RNF6: variants seen among roughly 807,000 people sequenced by gnomAD.
RNF6 encodes ring finger protein 6, also known as E3 ubiquitin-protein ligase RNF6.
RNF6 carries 21 observed loss-of-function variants against 50.1 expected under a neutral mutation model. That is an observed-to-expected ratio of 0.42 (90% CI 0.30 to 0.60). RNF6 has a LOEUF of 0.60. RNF6 is among the 20% of genes least tolerant of loss of function. RNF6 has a pLI of 0.20. For missense variants in RNF6, 698 were observed against 838.2 expected (o/e 0.83, Z 2.07); for synonymous variants, 255 against 291.8 (o/e 0.87, Z 1.29).
At chr13:26,182,669 G>T (rs1478837436) in intron 5 of RNF6, among the ~76,000 whole-genome samples, 1 of 152,102 alleles carries the variant, frequency 6.6e-6, no homozygotes, top group Non-Finnish European at 1.5e-5. Flanking sequence ...GCTGGGCATG[G>T]TGGCACACAC....
chr13:26,183,902 A>ATATAT (rs10628120), intron 5 of RNF6, among the ~76,000 whole-genome samples: 143,782 of 144,596 alleles, frequency 0.99, 71,491 homozygotes, highest in Middle Eastern at 1. Flanking sequence ...ATACTTATTT[A>ATATAT]TATATGTAAT....
chr13:26,166,283 G>A (rs764166699), intron 5 of RNF6, among the ~76,000 whole-genome samples: 4 of 152,104 alleles, frequency 2.6e-5, no homozygotes, highest in Non-Finnish European at 5.9e-5. Flanking sequence ...TTTTTCTTTT[G>A]TAAATTGCTC....
intron 5 of RNF6, among the ~76,000 whole-genome samples, chr13:26,197,689 A>G (rs1868725811): frequency 6.6e-6 from 1 of 151,970 alleles, no homozygotes; most frequent in African/African-American, 2.4e-5. Context: ...TTACTGAATA[A>G]GATCCATTTT....
intron 5 of RNF6, among the ~76,000 whole-genome samples, chr13:26,166,587 A>C (rs1872461867): frequency 6.6e-6 from 1 of 152,236 alleles, no homozygotes; most frequent in African/African-American, 2.4e-5. Context: ...CAAATCAGGA[A>C]TGCAATCTCA....
At chr13:26,161,044 G>C (rs1872189093) in intron 5 of RNF6, among the ~76,000 whole-genome samples, 2 of 152,010 alleles carry the variant, frequency 1.3e-5, no homozygotes, top group South Asian at 4.2e-4. Flanking sequence ...TTTGCATTTT[G>C]GGGAACAAAA....
intron 5 of RNF6, among the ~76,000 whole-genome samples, chr13:26,175,065 T>C (rs1050370764): frequency 5.9e-5 from 9 of 152,096 alleles, no homozygotes; most frequent in African/African-American, 1.9e-4. Flanking sequence ...ACCAAGATGC[T>C]CCCCATTGGC....
chr13:26,215,530 G>A lies in RNF6; in HGVS notation c.352C>T (p.Arg118Trp), dbSNP rs371597920. 1.4e-5 allele frequency: 22 copies of A among 1,612,898 alleles called. No individual in the cohort carries two copies. The highest frequency in any genetic ancestry group is 9.3e-5 in the African/African-American group (7 of 75,014). The change falls in exon 5 of 5, where the codon CGG (arginine) becomes TGG (tryptophan). Residue 118 changes from arginine to tryptophan, a missense_variant. Transcript: ENST00000381588. ...CTTCGAGTTGCATTTCCTGTGCGCC[G>A]AAAGGTGTTCAACCATTCTAGAAGA... ...DSLLEWLNTF[R>W]RTGNATRSGQ...
chr13:26,156,542 A>G (rs1385867136), intron 5 of RNF6, among the ~76,000 whole-genome samples: 1 of 152,226 alleles, frequency 6.6e-6, no homozygotes, highest in Non-Finnish European at 1.5e-5. Context: ...GTGTGTTATC[A>G]AACCCTGTAC....
At chr13:26,205,870 A>C (rs2137719268) in intron 5 of RNF6, among the ~76,000 whole-genome samples, 1 of 152,134 alleles carries the variant, frequency 6.6e-6, no homozygotes, top group East Asian at 1.9e-4. Context: ...AATTTAGCTG[A>C]GTGTGGTGGC....
chr13:26,136,911 T>A (rs1030419721), intron 5 of RNF6, among the ~76,000 whole-genome samples: 1 of 152,192 alleles, frequency 6.6e-6, no homozygotes, highest in Non-Finnish European at 1.5e-5. Flanking sequence ...AGGGAGCTTT[T>A]ATTCAAGAAA....
chr13:26,151,830 A>G (rs1871620649), intron 5 of RNF6, among the ~76,000 whole-genome samples: 1 of 152,220 alleles, frequency 6.6e-6, no homozygotes, highest in Non-Finnish European at 1.5e-5. Context: ...TTACGCGCTC[A>G]ATGAACTGCC....
chr13:26,141,059 G>T (rs1870916059), intron 5 of RNF6, among the ~76,000 whole-genome samples: 1 of 152,106 alleles, frequency 6.6e-6, no homozygotes, highest in Admixed American at 6.5e-5. Flanking sequence ...TACCCAAATT[G>T]ATCTACAGAT....
At chr13:26,146,034 A>G (rs1353928187) in intron 5 of RNF6, among the ~76,000 whole-genome samples, 1 of 152,224 alleles carries the variant, frequency 6.6e-6, no homozygotes, top group Non-Finnish European at 1.5e-5. Flanking sequence ...TTTAACTGGT[A>G]GACCACAGTG....
chr13:26,203,289 T>C (rs1454598166), intron 5 of RNF6, among the ~76,000 whole-genome samples: 2 of 152,188 alleles, frequency 1.3e-5, no homozygotes, highest in Non-Finnish European at 2.9e-5. Context: ...AAGGGAAAAC[T>C]AAGATGTGAT....
chr13:26,156,634 A>G (rs911744364), intron 5 of RNF6, among the ~76,000 whole-genome samples: 10 of 152,252 alleles, frequency 6.6e-5, no homozygotes, highest in African/African-American at 2.4e-4. Context: ...AAATTTTCAA[A>G]TAACAGAAAT....
intron 5 of RNF6, among the ~76,000 whole-genome samples, chr13:26,182,111 T>C (rs1873271590): frequency 6.6e-6 from 1 of 152,222 alleles, no homozygotes; most frequent in Non-Finnish European, 1.5e-5. Flanking sequence ...TCCAGAAGTT[T>C]TCAAAAATGC....
At chr13:26,176,141 G>A (rs960545369) in intron 5 of RNF6, among the ~76,000 whole-genome samples, 4 of 152,142 alleles carry the variant, frequency 2.6e-5, no homozygotes, top group Non-Finnish European at 4.4e-5. Context: ...GAGGAATGAA[G>A]GAGGACAGAG....
rs202162863 is a variant in RNF6, at chr13:26,213,953, G to A, written c.1929C>T (p.Asn643=). The A allele has an allele frequency of 6.2e-7, 1 of 1,614,168 alleles. No homozygotes were observed. The highest frequency in any genetic ancestry group is 2.2e-5 in the East Asian group (1 of 44,886). The change falls in exon 5 of 5, where the codon AAC becomes AAT. Residue 643 remains asparagine (N), a synonymous_variant. Coordinates refer to ENST00000381588, the MANE Select transcript of RNF6 (RefSeq NM_005977.4). The stretch of plus-strand genomic sequence containing the variant: ...GCATGCAAGGTAATTGCCTGAGCTT[G>A]TTTCCAGTTACATAGTCACTAATAC... The part of the protein sequence containing the change: ...SVCISDYVTG[N]KLRQLPCMHE...
At chr13:26,160,661 A>T (rs371829238) in intron 5 of RNF6, among the ~76,000 whole-genome samples, 110 of 150,416 alleles carry the variant, frequency 7.3e-4, no homozygotes, top group Middle Eastern at 3.4e-3. Flanking sequence ...CAGTTGGATG[A>T]TGTATTAGAT....
Sources: gnomAD v4.1 joint callset for allele counts (sites outside exome capture counted in the v4.1 genomes callset) on GRCh38, gnomAD v4.1.1 for gene constraint, MANE v1.5 for transcripts, NCBI Gene and HGNC (gene_info 2026-07-23, HGNC 2026-07-21) for gene names.